Variants in MYO3A observed in about 807,000 individuals in gnomAD.
MYO3A encodes myosin-IIIa.
MYO3A carries 180 observed loss-of-function variants against 192.7 expected under a neutral mutation model. The observed-to-expected ratio is 0.93, with a 90% CI of 0.83 to 1.06. The LOEUF is 1.06. MYO3A is among the 50% of genes least tolerant of loss of function. The probability of loss-of-function intolerance (pLI) is 0.00; values close to 1 mark genes in which losing one functional copy is unlikely to be tolerated. For missense variants in MYO3A, 1,896 were observed against 1,905.0 expected (o/e 1.00, Z 0.09); for synonymous variants, 628 against 645.3 (o/e 0.97, Z 0.41).
At chr10:26,066,847 T>A (rs1564514320) in intron 10 of MYO3A, 128 bp from the exon 11 acceptor site, 1 of 674,766 alleles carries the variant, frequency 1.5e-6, no homozygotes, top group East Asian at 2.8e-5. Context: ...TTAGGCTATT[T>A]TCTGGTATCT....
At chr10:25,957,821 AT>A (rs1837655120) in intron 4 of MYO3A, among the ~76,000 whole-genome samples, 1 of 151,948 alleles carries the variant, frequency 6.6e-6, no homozygotes, top group Non-Finnish European at 1.5e-5. Context: ...TTGTGTTTTG[AT>A]TTTCATATCT....
chr10:25,968,392 T>TA (rs1469225627), intron 4 of MYO3A, among the ~76,000 whole-genome samples: 1 of 152,152 alleles, frequency 6.6e-6, no homozygotes, highest in South Asian at 2.1e-4. Context: ...ACCTGCACTA[T>TA]AAAAAATGTC....
chr10:26,174,893 C>T (rs1299988044), intron 30 of MYO3A, among the ~76,000 whole-genome samples: 3 of 150,620 alleles, frequency 2.0e-5, no homozygotes, highest in Admixed American at 6.6e-5. Context: ...AAAAAAAAGT[C>T]GTTTTAAGTT....
At chr10:25,956,693 T>C (rs956530432) in intron 4 of MYO3A, among the ~76,000 whole-genome samples, 25 of 152,054 alleles carry the variant, frequency 1.6e-4, no homozygotes, top group Non-Finnish European at 2.8e-4. Flanking sequence ...TAAAAAATTC[T>C]TAATATTTAA....
intron 10 of MYO3A, among the ~76,000 whole-genome samples, chr10:26,049,863 A>T (rs1003382696): frequency 5.9e-5 from 9 of 151,642 alleles, no homozygotes; most frequent in African/African-American, 2.2e-4. Context: ...TTTAGTAGAA[A>T]TGGGGTTTCA....
chr10:26,002,635 A>G (rs776354239), intron 6 of MYO3A, among the ~76,000 whole-genome samples: 3 of 151,862 alleles, frequency 2.0e-5, no homozygotes, highest in Non-Finnish European at 4.4e-5. Flanking sequence ...GGTAATCGGA[A>G]TGAGTCAGGG....
At chr10:26,087,626 C>A (rs1181743670) in intron 14 of MYO3A, among the ~76,000 whole-genome samples, 2 of 152,150 alleles carry the variant, frequency 1.3e-5, no homozygotes, top group African/African-American at 4.8e-5. Flanking sequence ...ATGGAACATA[C>A]TTCTTTGAGG....
Position 26,174,499 on chromosome 10 carries a change from A to T in MYO3A, c.4235A>T (p.Lys1412Ile). ...AATAACATCAAGAAGAAGGATAACA[A>T]AGACTCGAAAGCAACTTCAGAAAGA... ...EINNIKKKDN[K>I]DSKATSEREA... Residue 1412 changes from lysine (K) to isoleucine (I), a missense_variant, in exon 30 of 35, where the codon AAA (lysine) becomes ATA (isoleucine). Lys to Ile is a moderately radical substitution (Grantham distance 102). Coordinates refer to ENST00000642920, the MANE Select transcript of MYO3A (RefSeq NM_017433.5). 6.2e-7 allele frequency: 1 copy of T among 1,614,066 alleles called. No homozygotes were observed. Among genetic ancestry groups the T allele is most frequent in the Non-Finnish European group, 8.5e-7 (1 of 1,180,018 alleles).
intron 21 of MYO3A, among the ~76,000 whole-genome samples, chr10:26,143,828 C>T (rs561184412): frequency 3.0e-4 from 46 of 152,214 alleles, no homozygotes; most frequent in Non-Finnish European, 4.4e-4. Context: ...TGGACTTCTC[C>T]TTATTTTGTG....
At chr10:26,196,893 A>G (rs974251263) in intron 32 of MYO3A, among the ~76,000 whole-genome samples, 10 of 152,234 alleles carry the variant, frequency 6.6e-5, no homozygotes, top group African/African-American at 2.4e-4. Context: ...TCAAATCAGG[A>G]TAACTGGAGC....
chr10:26,102,730 G>A (rs979507618), intron 17 of MYO3A, among the ~76,000 whole-genome samples: 2 of 152,194 alleles, frequency 1.3e-5, no homozygotes, highest in Admixed American at 1.3e-4. Flanking sequence ...TTGCAGAATG[G>A]CAAATATTGC....
At position 26,173,835 on chromosome 10, in the gene MYO3A, A is replaced by G; in HGVS notation, c.3571A>G (p.Lys1191Glu). The change falls in exon 30 of 35, where the codon AAA (lysine) becomes GAA (glutamate). Residue 1191 changes from lysine to glutamate, a missense_variant. Transcript: ENST00000642920. Reference sequence around the variant, plus strand: ...CAACAGAGTGTATCAGACTCCAAAAAAAATGAATAATGTGTATGAGGAAGA... The same window carrying G: ...CAACAGAGTGTATCAGACTCCAAAAGAAATGAATAATGTGTATGAGGAAGA... ...SNNRVYQTPK[K>E]MNNVYEEEVK... The G allele has an allele frequency of 6.2e-7, 1 of 1,614,146 alleles. No homozygotes were observed. The highest frequency in any genetic ancestry group is 8.5e-7 in the Non-Finnish European group (1 of 1,180,028).
intron 10 of MYO3A, among the ~76,000 whole-genome samples, chr10:26,061,852 T>C (rs1206207995): frequency 8.9e-6 from 1 of 112,600 alleles, no homozygotes; most frequent in African/African-American, 2.8e-5. Context: ...AATGGGTCCA[T>C]AAAAACAGAA....
chr10:26,071,229 G>C (rs141438535), intron 14 of MYO3A, among the ~76,000 whole-genome samples: 72 of 152,126 alleles, frequency 4.7e-4, no homozygotes, highest in African/African-American at 1.5e-3. Flanking sequence ...AAAATAGTGA[G>C]GCTACTCATA....
intron 20 of MYO3A, among the ~76,000 whole-genome samples, chr10:26,136,175 T>G (rs1839837165): frequency 6.6e-6 from 1 of 152,100 alleles, no homozygotes; most frequent in Non-Finnish European, 1.5e-5. Context: ...GATATAAATC[T>G]CATTCTTCCT....
At chr10:26,123,146 G>A (rs1838978224) in intron 18 of MYO3A, among the ~76,000 whole-genome samples, 1 of 152,152 alleles carries the variant, frequency 6.6e-6, no homozygotes, top group African/African-American at 2.4e-5. Context: ...ATATAATATT[G>A]AGGGGAGAAA....
intron 6 of MYO3A, among the ~76,000 whole-genome samples, chr10:26,008,720 A>G (rs572082537): frequency 3.0e-4 from 45 of 148,068 alleles, no homozygotes; most frequent in Admixed American, 2.0e-3. Flanking sequence ...TTAAAAAGTC[A>G]GGAAACAACA....
chr10:26,192,264 T>C (rs1338530823), intron 31 of MYO3A, among the ~76,000 whole-genome samples: 1 of 152,220 alleles, frequency 6.6e-6, no homozygotes, highest in Non-Finnish European at 1.5e-5. Flanking sequence ...ATTTATTCTC[T>C]CTTGGTCACT....
intron 2 of MYO3A, among the ~76,000 whole-genome samples, chr10:25,940,176 G>C (rs569207767): frequency 2.6e-4 from 39 of 151,910 alleles, no homozygotes; most frequent in African/African-American, 9.4e-4. Flanking sequence ...AATTATTGTG[G>C]TTACTGGTAT....
Sources: gnomAD v4.1 joint callset for allele counts (sites outside exome capture counted in the v4.1 genomes callset) on GRCh38, gnomAD v4.1.1 for gene constraint, MANE v1.5 for transcripts, NCBI Gene and HGNC (gene_info 2026-07-23, HGNC 2026-07-21) for gene names.